LRRC37A2: variants seen among roughly 807,000 people sequenced by gnomAD.
The protein encoded by LRRC37A2 is leucine-rich repeat-containing protein 37A2.
LRRC37A2 carries 9 observed loss-of-function variants against 68.8 expected under a neutral mutation model. The observed-to-expected ratio is 0.13, with a 90% CI of 0.08 to 0.23. The LOEUF (loss-of-function observed/expected upper bound fraction) is 0.23. Among genes scored for constraint, LRRC37A2 ranks in the 10% least tolerant of loss-of-function variants. The probability of loss-of-function intolerance (pLI) is 1.00; values close to 1 mark genes in which losing one functional copy is unlikely to be tolerated. For synonymous variants in LRRC37A2, 63 were observed against 367.6 expected (o/e 0.17, Z 9.48); for missense variants, 168 against 950.4 (o/e 0.18, Z 10.82).
At chr17:46,678,554 G>A in the LRRC37A2 span, among the ~76,000 whole-genome samples, 1 of 148,078 alleles carries the variant, frequency 6.8e-6, no homozygotes, top group African/African-American at 2.5e-5. Context: ...GTTCCAGAAA[G>A]GCAAGAGAAA....
chr17:46,722,741 T>C, the LRRC37A2 span, among the ~76,000 whole-genome samples: 1 of 152,144 alleles, frequency 6.6e-6, no homozygotes, highest in Non-Finnish European at 1.5e-5. Flanking sequence ...GAAGAAAATG[T>C]ACGTGTGAGA....
chr17:46,986,994 C>G, the LRRC37A2 span, among the ~76,000 whole-genome samples: 4 of 152,122 alleles, frequency 2.6e-5, no homozygotes, highest in African/African-American at 4.8e-5. Flanking sequence ...ACCTGTAATC[C>G]CAGCACTTTG....
chr17:46,807,351 G>A, the LRRC37A2 span, among the ~76,000 whole-genome samples: 9 of 152,250 alleles, frequency 5.9e-5, no homozygotes, highest in South Asian at 2.1e-4. Context: ...GTGTGGTGGC[G>A]CATGCCTATA....
the LRRC37A2 span, among the ~76,000 whole-genome samples, chr17:46,788,781 C>A: frequency 6.6e-6 from 1 of 151,840 alleles, no homozygotes; most frequent in African/African-American, 2.4e-5. Flanking sequence ...CCTTTCCCTG[C>A]CCTCAGCAGC....
chr17:46,758,429 G>A, the LRRC37A2 span, among the ~76,000 whole-genome samples: 10 of 152,220 alleles, frequency 6.6e-5, no homozygotes, highest in Non-Finnish European at 8.8e-5. Flanking sequence ...ACAGCAGAGC[G>A]TATGAGATTA....
At chr17:46,477,240 A>T in the LRRC37A2 span, among the ~76,000 whole-genome samples, 1 of 12,736 alleles carries the variant, frequency 7.9e-5, no homozygotes, top group East Asian at 7.5e-4. Flanking sequence ...AAATCTTTGT[A>T]TTGTATTAAA....
At chr17:46,382,264 C>CA in the LRRC37A2 span, among the ~76,000 whole-genome samples, 1 of 121,352 alleles carries the variant, frequency 8.2e-6, no homozygotes. Flanking sequence ...GAGTGAAACT[C>CA]AGTCTCAAAA....
chr17:46,638,760 G>A, the LRRC37A2 span, among the ~76,000 whole-genome samples: 93 of 122,514 alleles, frequency 7.6e-4, no homozygotes, highest in African/African-American at 2.4e-3. Flanking sequence ...CTCCCACCTC[G>A]GCCTCCCAAA....
the LRRC37A2 span, chr17:46,875,051 C>G: frequency 1.2e-6 from 2 of 1,613,208 alleles, no homozygotes. Context: ...TTCCTCCTTT[C>G]CTCTCTTCCC....
chr17:46,932,120 A>T, the LRRC37A2 span: 5 of 1,613,976 alleles, frequency 3.1e-6, no homozygotes, highest in Non-Finnish European at 4.2e-6. Context: ...GCGCTCAGAA[A>T]CTTCCAGCAT....
At chr17:46,707,907 C>T in the LRRC37A2 span, among the ~76,000 whole-genome samples, 17 of 152,044 alleles carry the variant, frequency 1.1e-4, no homozygotes, top group Non-Finnish European at 2.4e-4. Flanking sequence ...GTGGCACACA[C>T]CTGTAATCCC....
chr17:46,789,798 A>G, the LRRC37A2 span, among the ~76,000 whole-genome samples: 1 of 152,224 alleles, frequency 6.6e-6, no homozygotes, highest in Non-Finnish European at 1.5e-5. Flanking sequence ...CCCTAAAGCC[A>G]GCAGTGGCAG....
At chr17:46,859,936 A>G in the LRRC37A2 span, among the ~76,000 whole-genome samples, 6 of 152,310 alleles carry the variant, frequency 3.9e-5, no homozygotes, top group African/African-American at 1.4e-4. Context: ...AATGTGCTCT[A>G]TGTATTTAGA....
the LRRC37A2 span, chr17:47,017,221 CGT>C: frequency 1.9e-6 from 3 of 1,611,880 alleles, no homozygotes; most frequent in African/African-American, 1.3e-5. Context: ...CCGGCACTAG[CGT>C]GTGTCATGTC....
chr17:46,790,073 A>T, the LRRC37A2 span, among the ~76,000 whole-genome samples: 6 of 152,034 alleles, frequency 3.9e-5, no homozygotes, highest in Non-Finnish European at 7.4e-5. Context: ...CCTCCCTTGC[A>T]GCCCCATTCT....
chr17:46,996,726 G>C, the LRRC37A2 span, among the ~76,000 whole-genome samples: 1 of 152,240 alleles, frequency 6.6e-6, no homozygotes, highest in African/African-American at 2.4e-5. Context: ...GGTCACTGCA[G>C]CCTCAAACTC....
chr17:46,950,283 G>A, the LRRC37A2 span, among the ~76,000 whole-genome samples: 1 of 152,206 alleles, frequency 6.6e-6, no homozygotes, highest in Non-Finnish European at 1.5e-5. Flanking sequence ...CCCAGAGAGT[G>A]TGGACTCTCT....
the LRRC37A2 span, among the ~76,000 whole-genome samples, chr17:46,837,602 C>T: frequency 2.0e-5 from 3 of 152,214 alleles, no homozygotes; most frequent in South Asian, 4.1e-4. Flanking sequence ...TCCTAATAAA[C>T]GCTAGAGGTG....
the LRRC37A2 span, chr17:47,033,375 C>T: frequency 2.9e-6 from 2 of 698,790 alleles, no homozygotes; most frequent in South Asian, 3.0e-5. Context: ...ATGTGTGGCT[C>T]ACGAACCTAT....
Sources: gnomAD v4.1 joint callset for allele counts (sites outside exome capture counted in the v4.1 genomes callset) on GRCh38, gnomAD v4.1.1 for gene constraint, MANE v1.5 for transcripts, NCBI Gene and HGNC (gene_info 2026-07-23, HGNC 2026-07-21) for gene names.